PALS2: variants seen among roughly 807,000 people sequenced by gnomAD.
PALS2 encodes protein associated with LIN7 2, MAGUK p55 family member.
A neutral mutation model predicts 61.6 loss-of-function variants in PALS2; 27 were observed. The observed-to-expected ratio is 0.44, with a 90% confidence interval of 0.32 to 0.60. The LOEUF (loss-of-function observed/expected upper bound fraction) is 0.60, where lower values mean the gene tolerates loss of function less well. Ranked by LOEUF, PALS2 falls within the 20% of genes least tolerant of loss-of-function variation. The probability of loss-of-function intolerance (pLI) is 0.05; values close to 1 mark genes in which losing one functional copy is unlikely to be tolerated. For synonymous variants in PALS2, 236 were observed against 218.6 expected, an observed-to-expected ratio of 1.08 and a Z score of -0.70; for missense variants, 554 against 639.4, an observed-to-expected ratio of 0.87 and a Z score of 1.44.
At chr7:24,584,611 T>G (rs1176725477) in intron 1 of PALS2, among the ~76,000 whole-genome samples, 1 of 151,752 alleles carries the variant, frequency 6.6e-6, no homozygotes, top group Admixed American at 6.6e-5. Flanking sequence ...ATTTTGTAGG[T>G]TGCCTGTTCA....
intron 2 of PALS2, among the ~76,000 whole-genome samples, chr7:24,631,264 A>G (rs1003965250): frequency 3.3e-5 from 5 of 152,224 alleles, no homozygotes; most frequent in African/African-American, 1.2e-4. Flanking sequence ...TCAAGACTTC[A>G]GTGGAGGAAG....
At chr7:24,647,984 T>G (rs1785929825) in intron 3 of PALS2, among the ~76,000 whole-genome samples, 1 of 152,138 alleles carries the variant, frequency 6.6e-6, no homozygotes, top group Non-Finnish European at 1.5e-5. Context: ...TAAATGAAAC[T>G]GCCAAAGGAG....
At chr7:24,671,544 T>C (rs180815074) in intron 9 of PALS2, among the ~76,000 whole-genome samples, 1 of 152,314 alleles carries the variant, frequency 6.6e-6, no homozygotes, top group African/African-American at 2.4e-5. Flanking sequence ...GAAGTCCAAA[T>C]TTATATGTCT....
chr7:24,687,922 A>G lies in PALS2; in HGVS notation c.*308A>G, dbSNP rs1374917340. The G allele has an allele frequency of 5.1e-6, 1 of 194,982 alleles. No homozygotes were observed. The highest frequency in any genetic ancestry group is 1.0e-5 in the Non-Finnish European group (1 of 97,374). The allele number at this position is 194,982 out of a possible 1,614,324, so 12.1% of individuals were successfully genotyped here. A position where few individuals can be genotyped will look rare whatever the true frequency, so the allele number is the denominator to read the frequency against. On this transcript the variant is annotated 3_prime_UTR_variant, in exon 12 of 12. Coordinates refer to ENST00000222644, the MANE Select transcript of PALS2 (RefSeq NM_001303037.2). The surrounding 1 kb of genome is among the most constrained non-coding windows in gnomAD (Gnocchi z 4.5). ...TTTAGTACCCTTGCCTTTTTCATCA[A>G]AGGAATTTTCAAATCATTCACTCTA...
chr7:24,601,736 TG>T (rs575652420), intron 1 of PALS2, among the ~76,000 whole-genome samples: 71 of 152,252 alleles, frequency 4.7e-4, no homozygotes, highest in Non-Finnish European at 2.4e-4. Context: ...ACTTGATTGA[TG>T]GTTTGGCAGG....
Position 24,689,716 on chromosome 7 carries a change from A to T in PALS2, c.*2102A>T, listed in dbSNP as rs531314281. ...ATAACAGTGGAAACTTTCAAACTAC[A>T]TGTGTTTACACCAAATTCTTGGCTT... is the stretch of plus-strand genomic sequence containing the variant. On this transcript the variant is annotated 3_prime_UTR_variant, in exon 12 of 12. Transcript: ENST00000222644. 5 of 152,142 alleles carry T rather than the reference A, an allele frequency of 3.3e-5. No homozygotes were observed. Among genetic ancestry groups the T allele is most frequent in the Middle Eastern group, 3.2e-3 (1 of 316 alleles). The allele number at this position is 152,142 out of a possible 1,614,324, so 9.4% of individuals were successfully genotyped here. A position where few individuals can be genotyped will look rare whatever the true frequency, so the allele number is the denominator to read the frequency against.
intron 3 of PALS2, among the ~76,000 whole-genome samples, chr7:24,644,058 G>A (rs1785699903): frequency 6.7e-6 from 1 of 149,052 alleles, no homozygotes; most frequent in South Asian, 2.1e-4. Context: ...ATGAACACAA[G>A]TTAATAATCC....
At chr7:24,578,803 A>T (rs1164576593) in intron 1 of PALS2, among the ~76,000 whole-genome samples, 1 of 152,206 alleles carries the variant, frequency 6.6e-6, no homozygotes, top group Non-Finnish European at 1.5e-5. Context: ...TGTGATAATT[A>T]ATGTTCATAC....
At chr7:24,604,432 T>C (rs1783825615) in intron 1 of PALS2, among the ~76,000 whole-genome samples, 1 of 151,894 alleles carries the variant, frequency 6.6e-6, no homozygotes, top group African/African-American at 2.4e-5. Context: ...TAAAAAGTAT[T>C]CCAACAAGAG....
chr7:24,640,142 T>G (rs892826953), intron 2 of PALS2, among the ~76,000 whole-genome samples: 1 of 152,088 alleles, frequency 6.6e-6, no homozygotes, highest in Admixed American at 6.5e-5. Flanking sequence ...CTCATAAAAC[T>G]TCTTCCTCTA....
intron 1 of PALS2, among the ~76,000 whole-genome samples, chr7:24,578,934 A>G (rs1782737327): frequency 1.3e-5 from 2 of 152,230 alleles, no homozygotes; most frequent in Non-Finnish European, 2.9e-5. Flanking sequence ...TTTCATGGGC[A>G]TGATTTGCAG....
intron 11 of PALS2, 35 bp downstream of exon 11, chr7:24,680,555 T>G (rs1787868695): frequency 6.3e-7 from 1 of 1,588,874 alleles, no homozygotes; most frequent in Admixed American, 1.8e-5. Flanking sequence ...TCTAAAATCT[T>G]TCCTTTTCTT....
intron 5 of PALS2, among the ~76,000 whole-genome samples, chr7:24,658,468 G>C (rs893720350): frequency 6.6e-6 from 1 of 151,762 alleles, no homozygotes; most frequent in Non-Finnish European, 1.5e-5. Context: ...TTGCGTGCTT[G>C]GCCATTTTGA....
In PALS2 at chr7:24,638,322, C is replaced by CTTTTCTTTTTTTTTT. The variant is rs1785342340; in HGVS notation, c.118-3390_118-3389insCTTTTTTTTTTTTTT. On this transcript the variant is annotated intron_variant, in intron 2 of 11. Coordinates refer to ENST00000222644, the MANE Select transcript of PALS2 (RefSeq NM_001303037.2). ...TTTCTCCCTTCAATTTCTGTATTTT[C>CTTTTCTTTTTTTTTT]TTTTTTTTTTTTTTTTTTTTTTTTT... 3.4e-4 allele frequency among the ~76,000 whole-genome samples: 4 copies of CTTTTCTTTTTTTTTT among 11,926 alleles called. 2 individuals carry two copies. The allele number at this position is 11,926 out of a possible 152,430, so 7.8% of individuals were successfully genotyped here.
chr7:24,623,075 T>G (rs999983330), intron 1 of PALS2, among the ~76,000 whole-genome samples: 1 of 152,020 alleles, frequency 6.6e-6, no homozygotes, highest in Non-Finnish European at 1.5e-5. Context: ...GTATTTTGTT[T>G]AAGATTTTTG....
chr7:24,635,460 T>C (rs1785190594), intron 2 of PALS2, among the ~76,000 whole-genome samples: 1 of 152,200 alleles, frequency 6.6e-6, no homozygotes, highest in Non-Finnish European at 1.5e-5. Flanking sequence ...AGTGAACTCC[T>C]TAGGATTTTC....
chr7:24,655,220 C>T (rs1364712875), intron 5 of PALS2, among the ~76,000 whole-genome samples: 1 of 152,132 alleles, frequency 6.6e-6, no homozygotes, highest in Admixed American at 6.5e-5. Context: ...TGCAGTAATT[C>T]CCTAGAGCAA....
At position 24,679,179 on chromosome 7, in the gene PALS2, A is replaced by G; in HGVS notation, c.1163A>G (p.Lys388Arg). Residue 388 changes from lysine (K) to arginine (R), a missense_variant, in exon 10 of 12, where the codon AAG becomes AGG. By Grantham distance (26) the Lys-to-Arg change is conservative. Transcript: ENST00000222644. The stretch of plus-strand genomic sequence containing the variant: ...GATGAAAAAGATGGCCAGGCATATA[A>G]GTTTGTGTCACGATCTGAGATGGAA... ...REDEKDGQAY[K>R]FVSRSEMEAD... is the part of the protein sequence containing the mutation. The G allele has an allele frequency of 6.2e-7, 1 of 1,614,066 alleles. No homozygotes were observed. The highest frequency in any genetic ancestry group is 1.1e-5 in the South Asian group (1 of 91,086).
Position 24,598,942 on chromosome 7 carries a change from A to C in PALS2, c.-2-24724A>C, listed in dbSNP as rs143116706. ...ATTTTTAATGCAGTGCTTTGTATATACTTTTGTGAAATATTTCGCCCAGTA... is the reference window on the plus strand; with the variant it reads ...ATTTTTAATGCAGTGCTTTGTATATCCTTTTGTGAAATATTTCGCCCAGTA... On this transcript the variant is annotated intron_variant, in intron 1 of 11. Transcript: ENST00000222644. Among the ~76,000 whole-genome samples, 833 of 152,336 alleles carry C rather than the reference A, an allele frequency of 5.5e-3. 10 individuals carry two copies. Among genetic ancestry groups the C allele is most frequent in the Admixed American group, 8.4e-3 (128 of 15,296 alleles).
Sources: allele counts gnomAD v4.1 joint callset (sites outside exome capture counted in the v4.1 genomes callset), GRCh38; gene constraint gnomAD v4.1.1; non-coding constraint Gnocchi (gnomAD v3.1); transcripts MANE v1.5; gene names NCBI Gene and HGNC (gene_info 2026-07-23, HGNC 2026-07-21).